Variants in SPINT2 observed in about 807,000 individuals in gnomAD.
The protein encoded by SPINT2 is kunitz-type protease inhibitor 2.
SPINT2 carries 18 observed loss-of-function variants against 30.1 expected under a neutral mutation model. That is an observed-to-expected ratio of 0.60 (90% CI 0.41 to 0.89). The LOEUF is 0.89. Ranked by LOEUF, SPINT2 falls within the 40% of genes least tolerant of loss-of-function variation. SPINT2 has a pLI of 0.00. For missense variants in SPINT2, 276 were observed against 334.3 expected (o/e 0.83, Z 1.36); for synonymous variants, 139 against 137.9 (o/e 1.01, Z -0.05).
At chr19:38,288,654 C>T (rs1461240726) in intron 3 of SPINT2, 2 of 200,752 alleles carry the variant, frequency 1.0e-5, no homozygotes, top group Admixed American at 5.3e-5. Context: ...CACTGTAGCT[C>T]AGCAGCTGTT....
rs372472022 is a variant in SPINT2, at chr19:38,264,679, C to A, written c.-214C>A. ...GGCGAGGGCGCGAGTGAGGAGCAGA[C>A]CCAGGCATCGCGCGCCGAGAAGGCC... On this transcript the variant is annotated 5_prime_UTR_variant, in exon 1 of 7. Transcript: ENST00000301244. 3.5e-6 allele frequency: 2 copies of A among 575,148 alleles called. No individual in the cohort carries two copies. The highest frequency in any genetic ancestry group is 2.0e-5 in the South Asian group (1 of 49,132). The allele number at this position is 575,148 out of a possible 1,614,324, so 35.6% of individuals were successfully genotyped here.
In SPINT2 at chr19:38,291,823, C is replaced by G. The variant is rs757976130; in HGVS notation, c.593-17C>G. The G allele has an allele frequency of 4.3e-6, 7 of 1,611,426 alleles. No individual in the cohort carries two copies. In the African/African-American group the frequency reaches 9.4e-5, roughly 22 times the overall value. On this transcript the variant is annotated splice_polypyrimidine_tract_variant and intron_variant, in intron 6 of 6. Transcript: ENST00000301244. ...CCCCTTGCCTGGCCCGTCCTGAGGC[C>G]CCTCTCTCGTCCTCAGTGGTGGTTC...
Position 38,290,994 on chromosome 19 carries a change from G to A in SPINT2, c.592+419G>A. The A allele has an allele frequency of 3.7e-6, 1 of 269,592 alleles. No homozygotes were observed. 16.7% of individuals were successfully genotyped at this position (269,592 alleles called of 1,614,324 possible). On this transcript the variant is annotated intron_variant, in intron 6 of 6. Coordinates refer to ENST00000301244, the MANE Select transcript of SPINT2 (RefSeq NM_021102.4). This position sits in a 1 kb window ranked among gnomAD's most constrained non-coding sequence, Gnocchi z 4.3. ...GGTCTGAGCGGGAGGCCAGGCCTCT[G>A]GCCTGTGTTTCTGAGCTTGAGTTGC... is the stretch of plus-strand genomic sequence containing the variant.
chr19:38,274,807 T>G (rs924139087), intron 1 of SPINT2, among the ~76,000 whole-genome samples: 2 of 141,972 alleles, frequency 1.4e-5, no homozygotes, highest in African/African-American at 5.1e-5. Context: ...AGAGTGAGAC[T>G]GTCTTAAAAA....
intron 1 of SPINT2, among the ~76,000 whole-genome samples, chr19:38,277,927 C>T (rs567734983): frequency 3.3e-5 from 5 of 152,256 alleles, no homozygotes; most frequent in Non-Finnish European, 5.9e-5. Flanking sequence ...GGTCCGTCTC[C>T]GTTTTGAAAA....
chr19:38,289,241 C>T (rs369156192), intron 4 of SPINT2, 50 bp downstream of exon 4: 135 of 1,539,520 alleles, frequency 8.8e-5, no homozygotes, highest in Non-Finnish European at 1.1e-4. Context: ...GTAATCCCAG[C>T]GCTTTGGGAG....
Position 38,290,170 on chromosome 19 carries a change from G to A in SPINT2, c.443G>A (p.Arg148His), listed in dbSNP as rs1353175955. The A allele has an allele frequency of 3.1e-6, 5 of 1,612,630 alleles. No homozygotes were observed. The highest frequency in any genetic ancestry group is 2.2e-5 in the East Asian group (1 of 44,872). ...VTGPCRASFP[R>H]WYFDVERNSC... ...GGGCCTTGCCGTGCATCCTTCCCAC[G>A]CTGGTACTTTGACGTGGAGAGGAAC... The change falls in exon 5 of 7, where the codon CGC becomes CAC. Residue 148 changes from arginine to histidine, a missense_variant. Physicochemically the swap from Arg to His is conservative, Grantham distance 29 (BLOSUM62 0). Transcript: ENST00000301244. The surrounding 1 kb of genome is among the most constrained non-coding windows in gnomAD (Gnocchi z 4.3).
chr19:38,286,651 C>T (rs1023364117), intron 2 of SPINT2, among the ~76,000 whole-genome samples: 27 of 152,098 alleles, frequency 1.8e-4, no homozygotes, highest in Admixed American at 1.4e-3. Flanking sequence ...GGCCTGGTGG[C>T]GGGCGCCTGT....
At chr19:38,266,915 C>A (rs978826935) in intron 1 of SPINT2, among the ~76,000 whole-genome samples, 1 of 152,150 alleles carries the variant, frequency 6.6e-6, no homozygotes, top group African/African-American at 2.4e-5. Flanking sequence ...GATGTACCTC[C>A]CAGTTACCTG....
At chr19:38,275,876 C>T (rs866656212) in intron 1 of SPINT2, among the ~76,000 whole-genome samples, 2 of 151,734 alleles carry the variant, frequency 1.3e-5, no homozygotes, top group South Asian at 2.1e-4. Flanking sequence ...TACAGGCATG[C>T]ACCACCACGC....
intron 1 of SPINT2, among the ~76,000 whole-genome samples, chr19:38,270,959 G>A (rs1968447995): frequency 6.6e-6 from 1 of 152,216 alleles, no homozygotes; most frequent in South Asian, 2.1e-4. Context: ...TTAGAGTGTG[G>A]ATTCCGATGT....
In SPINT2 at chr19:38,269,718, C is replaced by T. The variant is rs552878154; in HGVS notation, c.106+4720C>T. Among the ~76,000 whole-genome samples the T allele has an allele frequency of 2.0e-5, 3 of 150,600 alleles. No homozygotes were observed. In the East Asian group the frequency reaches 5.9e-4, roughly 30 times the overall value. The stretch of plus-strand genomic sequence containing the variant: ...CTCCGCCTCCTGGGTTCACACCATT[C>T]TCCTGCCTCAGCCTCCCGAGTACTG... On this transcript the variant is annotated intron_variant, in intron 1 of 6. Coordinates refer to ENST00000301244, the MANE Select transcript of SPINT2 (RefSeq NM_021102.4).
At chr19:38,279,365 C>T (rs554945897) in intron 1 of SPINT2, among the ~76,000 whole-genome samples, 3 of 151,734 alleles carry the variant, frequency 2.0e-5, no homozygotes, top group South Asian at 4.2e-4. Context: ...GGTGTGATGG[C>T]GCAGTCCTAT....
At chr19:38,272,911 G>A (rs1600336133) in intron 1 of SPINT2, among the ~76,000 whole-genome samples, 1 of 151,980 alleles carries the variant, frequency 6.6e-6, no homozygotes, top group African/African-American at 2.4e-5. Context: ...TAGTAGAGAC[G>A]GGGTTTCACC....
chr19:38,273,015 C>G (rs1359539364), intron 1 of SPINT2, among the ~76,000 whole-genome samples: 2 of 152,100 alleles, frequency 1.3e-5, no homozygotes, highest in Non-Finnish European at 1.5e-5. Context: ...AGCCACCGTG[C>G]CCGGCCTGAA....
At position 38,290,317 on chromosome 19, in the gene SPINT2, C is replaced by T. The variant is rs747755779; in HGVS notation, c.553+37C>T. On this transcript the variant is annotated intron_variant, in intron 5 of 6. Transcript: ENST00000301244. The surrounding 1 kb of genome is among the most constrained non-coding windows in gnomAD (Gnocchi z 4.3). ...GCCCCTCAGCCCAGGAAGCCCTGCCCTTGAGGACCCCGGTCCATCTCCCCA... is the reference window on the plus strand; with the variant it reads ...GCCCCTCAGCCCAGGAAGCCCTGCCTTTGAGGACCCCGGTCCATCTCCCCA... 6.2e-7 allele frequency: 1 copy of T among 1,606,010 alleles called. No individual in the cohort carries two copies. The highest frequency in any genetic ancestry group is 2.2e-5 in the East Asian group (1 of 44,670).
At position 38,264,997 on chromosome 19, in the gene SPINT2, C is replaced by T. The variant is rs1968360570; in HGVS notation, c.105C>T (p.His35=). ...CGGCCGACCGAGAACGCAGCATCCACGGTGAGGGCCGGGCGGGTAGGCTGG... is the reference window on the plus strand; with the variant it reads ...CGGCCGACCGAGAACGCAGCATCCATGGTGAGGGCCGGGCGGGTAGGCTGG... ...VLAADRERSI[H]DFCLVSKVVG... The change falls in exon 1 of 7, where the codon CAC becomes CAT. Residue 35 remains histidine (H), a splice_region_variant and synonymous_variant. Transcript: ENST00000301244. 2 of 1,491,920 alleles carry T rather than the reference C, an allele frequency of 1.3e-6. No homozygotes were observed. Among genetic ancestry groups the T allele is most frequent in the East Asian group, 2.7e-5 (1 of 37,730 alleles). 92.4% of individuals were successfully genotyped at this position (1,491,920 alleles called of 1,614,324 possible).
chr19:38,270,481 G>T (rs1225156777), intron 1 of SPINT2, among the ~76,000 whole-genome samples: 1 of 152,208 alleles, frequency 6.6e-6, no homozygotes, highest in East Asian at 1.9e-4. Context: ...GTGTCATAAT[G>T]AGAGGAAGAC....
At chr19:38,285,865 A>T (rs1968634778) in intron 2 of SPINT2, among the ~76,000 whole-genome samples, 1 of 152,156 alleles carries the variant, frequency 6.6e-6, no homozygotes, top group Admixed American at 6.6e-5. Context: ...GAGCTATCCC[A>T]GTCAAGAGTT....
Sources: gnomAD v4.1 joint callset for allele counts (sites outside exome capture counted in the v4.1 genomes callset) on GRCh38, gnomAD v4.1.1 for gene constraint, Gnocchi (gnomAD v3.1) non-coding constraint, MANE v1.5 for transcripts, NCBI Gene and HGNC (gene_info 2026-07-23, HGNC 2026-07-21) for gene names.